NSF: variants seen among roughly 807,000 people sequenced by gnomAD.
The protein encoded by NSF is N-ethylmaleimide sensitive factor, vesicle fusing ATPase.
NSF carries 14 observed loss-of-function variants against 50.3 expected under a neutral mutation model. That is an observed-to-expected ratio of 0.28 (90% CI 0.18 to 0.44). The LOEUF (loss-of-function observed/expected upper bound fraction) is 0.44, where lower values mean the gene tolerates loss of function less well. Ranked by LOEUF, NSF falls within the 20% of genes least tolerant of loss-of-function variation. The pLI, the probability that NSF is intolerant of heterozygous loss-of-function variation, is 1.00. For missense variants in NSF, 218 were observed against 504.3 expected (o/e 0.43, Z 5.44); for synonymous variants, 109 against 175.7 (o/e 0.62, Z 3.00).
chr17:46,707,433 G>T (rs964213481), intron 13 of NSF, among the ~76,000 whole-genome samples: 41 of 152,004 alleles, frequency 2.7e-4, no homozygotes, highest in African/African-American at 9.9e-4. Context: ...TAGTTCAGTG[G>T]TATTAAGTAT....
At position 46,755,926 on chromosome 17, in the gene NSF, T is replaced by G; in HGVS notation, c.*103T>G. 2 of 1,120,452 alleles carry G rather than the reference T, an allele frequency of 1.8e-6. No homozygotes were observed. 69.4% of individuals were successfully genotyped at this position (1,120,452 alleles called of 1,614,324 possible). Reference sequence around the variant, plus strand: ...TCAAGATACTGGACTAAGTGGAACGTTCTCTACCTTCAACATGTGCTCGCT... The same window carrying G: ...TCAAGATACTGGACTAAGTGGAACGGTCTCTACCTTCAACATGTGCTCGCT... On this transcript the variant is annotated 3_prime_UTR_variant, in exon 21 of 21. Coordinates refer to ENST00000398238, the MANE Select transcript of NSF (RefSeq NM_006178.4).
chr17:46,722,741 T>C (rs2058844532), intron 15 of NSF, among the ~76,000 whole-genome samples: 1 of 152,144 alleles, frequency 6.6e-6, no homozygotes, highest in Non-Finnish European at 1.5e-5. Flanking sequence ...GAAGAAAATG[T>C]ACGTGTGAGA....
chr17:46,715,175 G>C (rs542815372), intron 15 of NSF, among the ~76,000 whole-genome samples: 1 of 152,280 alleles, frequency 6.6e-6, no homozygotes, highest in African/African-American at 2.4e-5. Flanking sequence ...AAAAATGTTT[G>C]AAATTGAGTG....
intron 14 of NSF, among the ~76,000 whole-genome samples, chr17:46,712,478 G>C (rs1344582412): frequency 6.6e-6 from 1 of 152,184 alleles, no homozygotes; most frequent in Non-Finnish European, 1.5e-5. Flanking sequence ...CCGATAAATG[G>C]TGCTGTTTAC....
chr17:46,747,961 T>C (rs1368203076), intron 17 of NSF, among the ~76,000 whole-genome samples: 2 of 152,126 alleles, frequency 1.3e-5, no homozygotes, highest in Admixed American at 6.6e-5. Flanking sequence ...AGTTTTCAAA[T>C]TGCAGAACAT....
chr17:46,725,673 A>G (rs2058881535), intron 15 of NSF, among the ~76,000 whole-genome samples: 1 of 152,158 alleles, frequency 6.6e-6, no homozygotes, highest in African/African-American at 2.4e-5. Context: ...AGGAAGGAAT[A>G]TATGCCATTC....
chr17:46,724,385 C>T (rs1375822894), intron 15 of NSF, among the ~76,000 whole-genome samples: 5 of 152,154 alleles, frequency 3.3e-5, no homozygotes, highest in Non-Finnish European at 5.9e-5. Context: ...TATATTTTCT[C>T]AGAGACTCAA....
intron 19 of NSF, among the ~76,000 whole-genome samples, chr17:46,753,391 T>C (rs2059202661): frequency 6.6e-6 from 1 of 152,234 alleles, no homozygotes; most frequent in African/African-American, 2.4e-5. Context: ...TTTTTTGACT[T>C]TCAGAAATCT....
At chr17:46,737,952 A>ATTATTATTATTATTATTATTATTG (rs530345654) in intron 17 of NSF, among the ~76,000 whole-genome samples, 1 of 139,908 alleles carries the variant, frequency 7.1e-6, no homozygotes, top group East Asian at 2.1e-4. Context: ...TATTATTATT[A>ATTATTATTATTATTATTATTATTG]GAGATAGGAT....
intron 15 of NSF, among the ~76,000 whole-genome samples, 191 bp from the exon 16 acceptor site, chr17:46,726,358 G>A (rs114981612): frequency 4.0e-4 from 61 of 152,324 alleles, no homozygotes; most frequent in African/African-American, 1.4e-3. Context: ...ACAGCTGTTA[G>A]TGCTGAAAAC....
chr17:46,751,675 AG>A, intron 19 of NSF, 59 bp downstream of exon 19: 1 of 994,762 alleles, frequency 1.0e-6, no homozygotes, highest in Non-Finnish European at 1.5e-6. Flanking sequence ...ACACACCAAG[AG>A]GGTTCAGTAT....
chr17:46,737,919 A>ATTT (rs2146314079), intron 17 of NSF, among the ~76,000 whole-genome samples: 1 of 12,012 alleles, frequency 8.3e-5, no homozygotes, highest in Admixed American at 2.0e-3. Flanking sequence ...TATTATTATT[A>ATTT]TTATTATTAT....
chr17:46,726,597 G>A lies in NSF; in HGVS notation c.1810G>A (p.Asp604Asn), dbSNP rs999768526. 2 of 1,613,852 alleles carry A rather than the reference G, an allele frequency of 1.2e-6. No homozygotes were observed. The highest frequency in any genetic ancestry group is 2.7e-5 in the African/African-American group (2 of 74,914). The change falls in exon 16 of 21, where the codon GAC (aspartate) becomes AAC (asparagine). Residue 604 changes from aspartate to asparagine, a missense_variant. By Grantham distance (23) the Asp-to-Asn change is conservative. Around this residue, in one of 2 missense-constraint regions of NSF, gnomAD observed 209 missense variants for 320.9 expected, o/e 0.65. Transcript: ENST00000398238. ...CCAGCTCAGTTGTGTGGTTGTGGAT[G>A]ACATTGAGAGATTGCTTGGTGAGTC... ...KSQLSCVVVDDIERLLDYVPI... is the reference protein window; with the variant it reads ...KSQLSCVVVDNIERLLDYVPI...
Position 46,721,756 on chromosome 17 carries a change from G to A in NSF, c.1762-4793G>A, listed in dbSNP as rs942828967. The A allele has an allele frequency of 3.4e-5, 54 of 1,602,792 alleles. No individual in the cohort carries two copies. The African/African-American group carries it at 7.0e-4, about 21-fold the overall frequency. On this transcript the variant is annotated intron_variant, in intron 15 of 20. Transcript: ENST00000398238. Reference sequence around the variant, plus strand: ...CGGGGATTCTCTTGCCCACAATTTCGCTTGGGAAGACCAAGTCCTCAAGGA... The same window carrying A: ...CGGGGATTCTCTTGCCCACAATTTCACTTGGGAAGACCAAGTCCTCAAGGA...
intron 1 of NSF, among the ~76,000 whole-genome samples, chr17:46,605,725 A>T (rs1025865540): frequency 3.5e-5 from 3 of 85,244 alleles, no homozygotes; most frequent in African/African-American, 1.5e-4. Context: ...TAAAAAAAAA[A>T]AAAAAAAGTG....
chr17:46,687,449 T>C (rs1182669011), intron 9 of NSF, among the ~76,000 whole-genome samples: 3 of 150,568 alleles, frequency 2.0e-5, no homozygotes, highest in Non-Finnish European at 4.4e-5. Flanking sequence ...AGCTTCCTTA[T>C]CATACTACAG....
chr17:46,598,230 TCCAATGAAGC>T (rs2057879525), intron 1 of NSF, among the ~76,000 whole-genome samples: 1 of 106,418 alleles, frequency 9.4e-6, no homozygotes, highest in Non-Finnish European at 1.9e-5. Context: ...TGAAGTTTTT[TCCAATGAAGC>T]ACCGTATATA....
intron 17 of NSF, among the ~76,000 whole-genome samples, chr17:46,743,499 G>A (rs967680018): frequency 1.3e-5 from 2 of 152,204 alleles, no homozygotes; most frequent in Non-Finnish European, 2.9e-5. Context: ...GATAGATGCT[G>A]AGAAGTTAAA....
At chr17:46,622,319 G>A (rs1215180860) in intron 1 of NSF, among the ~76,000 whole-genome samples, 2 of 148,878 alleles carry the variant, frequency 1.3e-5, no homozygotes, top group East Asian at 2.0e-4. Context: ...TTAGCCAGGC[G>A]TGGTGGTGGG....
Sources: allele counts gnomAD v4.1 joint callset (sites outside exome capture counted in the v4.1 genomes callset), GRCh38; gene constraint gnomAD v4.1.1; regional missense constraint gnomAD v4.1.1; transcripts MANE v1.5; gene names NCBI Gene and HGNC (gene_info 2026-07-23, HGNC 2026-07-21).